Variants in MCC observed in about 807,000 individuals in gnomAD.
MCC encodes colorectal mutant cancer protein.
In MCC, 90 loss-of-function variants were observed where a neutral mutation model predicts 116.2. The ratio of observed to expected loss-of-function variants is 0.77; its 90% CI spans 0.65 to 0.92. MCC has a LOEUF of 0.92. Ranked by LOEUF, MCC falls within the 40% of genes least tolerant of loss-of-function variation. MCC has a pLI of 0.00. For missense variants in MCC, 1,516 were observed against 1,312.2 expected (o/e 1.16, Z -2.40); for synonymous variants, 578 against 510.5 (o/e 1.13, Z -1.78).
At chr5:113,459,133 A>ATGTGTATGTGTGTGTGTG (rs762493058) in intron 1 of MCC, among the ~76,000 whole-genome samples, 3 of 68,362 alleles carry the variant, frequency 4.4e-5, no homozygotes, top group African/African-American at 1.7e-4. Context: ...GAGTAAGGAT[A>ATGTGTATGTGTGTGTGTG]TGTGTGTGTG....
chr5:113,324,341 T>A (rs1767495859), intron 3 of MCC, among the ~76,000 whole-genome samples: 1 of 152,230 alleles, frequency 6.6e-6, no homozygotes, highest in African/African-American at 2.4e-5. Flanking sequence ...ATATAATTTT[T>A]AATTATGCAG....
intron 3 of MCC, among the ~76,000 whole-genome samples, chr5:113,272,537 AT>A (rs1339514888): frequency 1.3e-5 from 2 of 152,180 alleles, no homozygotes; most frequent in African/African-American, 4.8e-5. Context: ...GTGATAGAAA[AT>A]TCTTTTAATG....
chr5:113,097,119 G>A (rs913648280), intron 8 of MCC, among the ~76,000 whole-genome samples: 1 of 151,962 alleles, frequency 6.6e-6, no homozygotes, highest in Admixed American at 6.6e-5. Flanking sequence ...TTCCATAAAG[G>A]ACAAAAAAGA....
chr5:113,236,801 G>A (rs764824526), intron 3 of MCC, among the ~76,000 whole-genome samples: 2 of 152,154 alleles, frequency 1.3e-5, no homozygotes, highest in Non-Finnish European at 2.9e-5. Context: ...CTGATCGGAT[G>A]TTTGTTCAGG....
chr5:113,217,552 C>T (rs1342586007), intron 3 of MCC, among the ~76,000 whole-genome samples: 1 of 152,098 alleles, frequency 6.6e-6, no homozygotes, highest in African/African-American at 2.4e-5. Flanking sequence ...AAAACAAAAA[C>T]AGGGAGTAAT....
intron 1 of MCC, among the ~76,000 whole-genome samples, chr5:113,401,293 T>C (rs1264544398): frequency 1.3e-5 from 2 of 152,184 alleles, no homozygotes; most frequent in Non-Finnish European, 2.9e-5. Flanking sequence ...ATTCACAGTG[T>C]ACTGTGAATG....
intron 3 of MCC, among the ~76,000 whole-genome samples, chr5:113,179,590 A>C (rs574644445): frequency 6.6e-6 from 1 of 152,312 alleles, no homozygotes; most frequent in Admixed American, 6.5e-5. Flanking sequence ...ACACTGAATC[A>C]ATTTCTATTG....
Position 113,280,278 on chromosome 5 carries a change from G to A in MCC, c.627+60241C>T, listed in dbSNP as rs555927988. 2.6e-4 allele frequency among the ~76,000 whole-genome samples: 40 copies of A among 152,310 alleles called. No individual in the cohort carries two copies. The East Asian group carries it at 7.3e-3, about 28-fold the overall frequency. On this transcript the variant is annotated intron_variant, in intron 3 of 18. Coordinates refer to ENST00000408903, the MANE Select transcript of MCC (RefSeq NM_001085377.2). The stretch of plus-strand genomic sequence containing the variant: ...GGGAACCTGGGGGTGGTGGGTTCCA[G>A]GGGCTCACACCGCTGGTTGATATAA...
rs562693050 is a variant in MCC at position 113,306,892 on chromosome 5, A to G, written c.627+33627T>C. The stretch of plus-strand genomic sequence containing the variant: ...TCAATGATCCATTTTTTGTTAACTT[A>G]TTATTGAAAAAAAAAGTATTCTTTC... On this transcript the variant is annotated intron_variant, in intron 3 of 18. Transcript: ENST00000408903. Among the ~76,000 whole-genome samples the G allele has an allele frequency of 4.3e-4, 65 of 152,138 alleles. No homozygotes were observed. The South Asian group carries it at 9.5e-3, about 22-fold the overall frequency.
chr5:113,355,122 T>C (rs1378016835), intron 2 of MCC, among the ~76,000 whole-genome samples: 1 of 152,030 alleles, frequency 6.6e-6, no homozygotes, highest in African/African-American at 2.4e-5. Context: ...ATTTTGACAA[T>C]CAAAAAAGAA....
chr5:113,269,740 G>T (rs1484047109), intron 3 of MCC, among the ~76,000 whole-genome samples: 1 of 152,132 alleles, frequency 6.6e-6, no homozygotes, highest in Non-Finnish European at 1.5e-5. Context: ...AATGTTCATG[G>T]AAATGTCAGA....
In MCC at chr5:113,022,914, G is replaced by A. The variant is rs1039664156; in HGVS notation, c.*4388C>T. 2.0e-5 allele frequency: 3 copies of A among 151,960 alleles called. No homozygotes were observed. The highest frequency in any genetic ancestry group is 4.8e-5 in the African/African-American group (2 of 41,342). 9.4% of individuals were successfully genotyped at this position (151,960 alleles called of 1,614,324 possible). ...ATGCAAAATCTCACCCAGATGTAAT[G>A]TGATAAACAAACAGTTTACCCAGTG... On this transcript the variant is annotated 3_prime_UTR_variant, in exon 19 of 19. Coordinates refer to ENST00000408903, the MANE Select transcript of MCC (RefSeq NM_001085377.2).
chr5:113,154,465 G>A (rs1760059287), intron 3 of MCC, among the ~76,000 whole-genome samples: 1 of 152,216 alleles, frequency 6.6e-6, no homozygotes, highest in Non-Finnish European at 1.5e-5. Context: ...GGACGGAGTA[G>A]GTGAGGAGAG....
At chr5:113,399,818 G>T (rs915696800) in intron 1 of MCC, 1 of 152,162 alleles carries the variant, frequency 6.6e-6, no homozygotes, top group Admixed American at 6.5e-5. Context: ...CACCAGCTTT[G>T]CCTTCTTAGA....
intron 6 of MCC, among the ~76,000 whole-genome samples, chr5:113,116,145 C>G (rs965210869): frequency 6.6e-6 from 1 of 152,198 alleles, no homozygotes; most frequent in African/African-American, 2.4e-5. Flanking sequence ...CTGCCCTTGA[C>G]AGCAAACAGT....
At chr5:113,318,122 G>C (rs1021454057) in intron 3 of MCC, among the ~76,000 whole-genome samples, 7 of 151,982 alleles carry the variant, frequency 4.6e-5, no homozygotes, top group African/African-American at 7.3e-5. Context: ...ACTAAGTCTT[G>C]AAGAGTTTAG....
At chr5:113,065,005 A>G (rs1753490249) in intron 13 of MCC, among the ~76,000 whole-genome samples, 1 of 152,176 alleles carries the variant, frequency 6.6e-6, no homozygotes, top group Non-Finnish European at 1.5e-5. Flanking sequence ...CAACAACAAG[A>G]ACAACAGCAA....
At chr5:113,163,277 A>C (rs1760595417) in intron 3 of MCC, among the ~76,000 whole-genome samples, 1 of 152,252 alleles carries the variant, frequency 6.6e-6, no homozygotes, top group Admixed American at 6.5e-5. Context: ...CACAAAGGTC[A>C]TCTATTCATG....
intron 16 of MCC, among the ~76,000 whole-genome samples, chr5:113,048,342 G>A (rs894487383): frequency 7.2e-5 from 11 of 152,158 alleles, no homozygotes; most frequent in Admixed American, 6.5e-5. Flanking sequence ...TCTGAGCAGC[G>A]TGATGAAACC....
Sources: gnomAD v4.1 joint callset for allele counts (sites outside exome capture counted in the v4.1 genomes callset) on GRCh38, gnomAD v4.1.1 for gene constraint, MANE v1.5 for transcripts, NCBI Gene and HGNC (gene_info 2026-07-23, HGNC 2026-07-21) for gene names.